The following SCAPER variants were observed in gnomAD, a reference collection of about 807,000 sequenced individuals.
SCAPER encodes S-phase cyclin A associated protein in the ER.
In SCAPER, 98 loss-of-function variants were observed where a neutral mutation model predicts 182.2. That is an observed-to-expected ratio of 0.54 (90% CI 0.46 to 0.64). The LOEUF (loss-of-function observed/expected upper bound fraction) is 0.64. Ranked by LOEUF, SCAPER falls within the 30% of genes least tolerant of loss-of-function variation. The probability of loss-of-function intolerance (pLI) is 0.00; values close to 1 mark genes in which losing one functional copy is unlikely to be tolerated. For synonymous variants in SCAPER, 605 were observed against 564.6 expected, an observed-to-expected ratio of 1.07 and a Z score of -1.01; for missense variants, 1,432 against 1,690.0, an observed-to-expected ratio of 0.85 and a Z score of 2.68.
At chr15:76,517,615 C>T (rs888691521) in intron 23 of SCAPER, among the ~76,000 whole-genome samples, 8 of 152,032 alleles carry the variant, frequency 5.3e-5, no homozygotes, top group South Asian at 4.2e-4. Flanking sequence ...CCTCCCAAAG[C>T]GCTGGAATTA....
At chr15:76,371,307 T>TTCTC (rs768693574) in intron 29 of SCAPER, among the ~76,000 whole-genome samples, 7 of 151,472 alleles carry the variant, frequency 4.6e-5, no homozygotes, top group Admixed American at 4.6e-4. Flanking sequence ...CTTATAATAT[T>TTCTC]TCTCTCTCTC....
At chr15:76,405,833 A>G (rs2044787391) in intron 26 of SCAPER, among the ~76,000 whole-genome samples, 1 of 152,188 alleles carries the variant, frequency 6.6e-6, no homozygotes, top group Non-Finnish European at 1.5e-5. Flanking sequence ...TTGGTGTGTA[A>G]GTGCACTACA....
intron 4 of SCAPER, among the ~76,000 whole-genome samples, chr15:76,857,224 G>A (rs1482551658): frequency 2.0e-5 from 3 of 152,082 alleles, no homozygotes; most frequent in Admixed American, 2.0e-4. Flanking sequence ...CTTGAGGCCA[G>A]GAGTTTGGGA....
intron 26 of SCAPER, among the ~76,000 whole-genome samples, chr15:76,416,959 C>T (rs959742768): frequency 2.6e-5 from 4 of 151,836 alleles, no homozygotes; most frequent in African/African-American, 9.7e-5. Context: ...CCCAGCTACT[C>T]TGGAGGTTGA....
At chr15:76,779,820 T>C (rs1424386417) in intron 8 of SCAPER, among the ~76,000 whole-genome samples, 1 of 152,124 alleles carries the variant, frequency 6.6e-6, no homozygotes, top group Non-Finnish European at 1.5e-5. Flanking sequence ...AATATACCAA[T>C]ATATAAACAA....
intron 2 of SCAPER, among the ~76,000 whole-genome samples, chr15:76,883,590 C>G (rs1042491881): frequency 1.3e-5 from 2 of 152,112 alleles, no homozygotes; most frequent in African/African-American, 2.4e-5. Context: ...TATTCCTAAC[C>G]TAGGTACCAT....
intron 1 of SCAPER, among the ~76,000 whole-genome samples, chr15:76,894,764 G>A (rs1238760589): frequency 6.6e-6 from 1 of 152,018 alleles, no homozygotes; most frequent in African/African-American, 2.4e-5. Context: ...ACAATTACAT[G>A]CCAACAAATT....
chr15:76,687,687 G>A (rs554870105), intron 20 of SCAPER, among the ~76,000 whole-genome samples: 103 of 152,206 alleles, frequency 6.8e-4, no homozygotes, highest in Admixed American at 4.6e-4. Flanking sequence ...GAGAACATGC[G>A]GTGTTTGGTT....
chr15:76,662,915 A>G (rs1479016075), intron 21 of SCAPER, among the ~76,000 whole-genome samples: 1 of 152,120 alleles, frequency 6.6e-6, no homozygotes, highest in Non-Finnish European at 1.5e-5. Flanking sequence ...GATCTCTTAG[A>G]CACACCCAGA....
chr15:76,830,930 G>A lies in SCAPER; in HGVS notation c.393+10804C>T, dbSNP rs78303720. On this transcript the variant is annotated intron_variant, in intron 5 of 31. Transcript: ENST00000563290. ...ACCCCGAACAGGGTTGCCAAGCACC[G>A]TGACCCATTCCTGGCCCAAAGTGGC... 8.7e-3 allele frequency among the ~76,000 whole-genome samples: 1,321 copies of A among 152,206 alleles called. 17 individuals carry two copies. Among genetic ancestry groups the A allele is most frequent in the African/African-American group, 0.03 (1,249 of 41,532 alleles).
At chr15:76,695,624 A>T (rs2058615564) in intron 20 of SCAPER, among the ~76,000 whole-genome samples, 1 of 151,926 alleles carries the variant, frequency 6.6e-6, no homozygotes, top group South Asian at 2.1e-4. Context: ...AAGAAAAAAA[A>T]CTGTTTAATT....
intron 9 of SCAPER, chr15:76,774,475 T>C (rs1057291355): frequency 4.0e-5 from 13 of 327,754 alleles, no homozygotes; most frequent in Non-Finnish European, 7.4e-5. Flanking sequence ...AAATAATACA[T>C]AGATATCAAA....
At chr15:76,666,969 T>C (rs903942977) in intron 20 of SCAPER, among the ~76,000 whole-genome samples, 2 of 152,224 alleles carry the variant, frequency 1.3e-5, no homozygotes, top group Admixed American at 6.5e-5. Context: ...TCTCCTCTTA[T>C]CTACATCATC....
intron 4 of SCAPER, among the ~76,000 whole-genome samples, chr15:76,848,847 A>G (rs1364587998): frequency 6.6e-6 from 1 of 151,892 alleles, no homozygotes; most frequent in African/African-American, 2.4e-5. Flanking sequence ...CTCCCTAGGA[A>G]CCCCCACCCC....
intron 25 of SCAPER, among the ~76,000 whole-genome samples, chr15:76,460,787 C>T (rs994198179): frequency 2.6e-5 from 4 of 152,114 alleles, no homozygotes; most frequent in Admixed American, 1.3e-4. Flanking sequence ...CATCTCCAAC[C>T]TGCTGTTAAA....
intron 27 of SCAPER, among the ~76,000 whole-genome samples, chr15:76,382,881 G>C (rs1012495773): frequency 6.6e-6 from 1 of 152,028 alleles, no homozygotes; most frequent in African/African-American, 2.4e-5. Context: ...AAAACCTCAG[G>C]TATCTTATTG....
At position 76,621,822 on chromosome 15, in the gene SCAPER, C is replaced by T. The variant is rs769864437; in HGVS notation, c.2653G>A (p.Glu885Lys). Residue 885 changes from glutamate to lysine, a missense_variant, in exon 22 of 32, where the codon GAA becomes AAA. Physicochemically the swap from Glu to Lys is moderately conservative, Grantham distance 56 (BLOSUM62 1). Coordinates refer to ENST00000563290, the MANE Select transcript of SCAPER (RefSeq NM_020843.4). ...TTGGTTTCCATTAAACTCTCATATT[C>T]CTTAGCCCTGAAGAGAAAAAAAGTT... Reference protein sequence around the residue: ...IKARMNFRAKEYESLMETKNS... With the variant: ...IKARMNFRAKKYESLMETKNS... The T allele has an allele frequency of 1.9e-6, 3 of 1,604,326 alleles. No homozygotes were observed. The highest frequency in any genetic ancestry group is 1.7e-5 in the Admixed American group (1 of 58,724).
chr15:76,798,310 A>G (rs2065479943), intron 7 of SCAPER, among the ~76,000 whole-genome samples: 1 of 151,778 alleles, frequency 6.6e-6, no homozygotes, highest in Non-Finnish European at 1.5e-5. Context: ...CAGTAAGCCA[A>G]GATCACGTCA....
At position 76,800,234 on chromosome 15, in the gene SCAPER, T is replaced by A; in HGVS notation, c.611+14A>T. 2 of 1,443,402 alleles carry A rather than the reference T, an allele frequency of 1.4e-6. No homozygotes were observed. The highest frequency in any genetic ancestry group is 1.9e-6 in the Non-Finnish European group (2 of 1,029,546). The allele number at this position is 1,443,402 out of a possible 1,614,324, so 89.4% of individuals were successfully genotyped here. A position where few individuals can be genotyped will look rare whatever the true frequency, so the allele number is the denominator to read the frequency against. On this transcript the variant is annotated intron_variant, in intron 7 of 31. Coordinates refer to ENST00000563290, the MANE Select transcript of SCAPER (RefSeq NM_020843.4). Reference sequence around the variant, plus strand: ...TAATGCAAGTCTTAGTAGTTTTTTCTTAGTTCATCTCACCCAAAATTTAAG... The same window carrying A: ...TAATGCAAGTCTTAGTAGTTTTTTCATAGTTCATCTCACCCAAAATTTAAG...
Sources: allele counts gnomAD v4.1 joint callset (sites outside exome capture counted in the v4.1 genomes callset), GRCh38; gene constraint gnomAD v4.1.1; transcripts MANE v1.5; gene names NCBI Gene and HGNC (gene_info 2026-07-23, HGNC 2026-07-21).